DSCAM: variants seen among roughly 807,000 people sequenced by gnomAD.
The protein encoded by DSCAM is DS cell adhesion molecule, also known as cell adhesion molecule DSCAM.
In DSCAM, 47 loss-of-function variants were observed where a neutral mutation model predicts 217.7. The ratio of observed to expected loss-of-function variants is 0.22; its 90% CI spans 0.17 to 0.28. DSCAM has a LOEUF of 0.28. Ranked by LOEUF, DSCAM falls within the 10% of genes least tolerant of loss-of-function variation. The pLI is 1.00. For synonymous variants in DSCAM, 1,056 were observed against 1,015.3 expected, an observed-to-expected ratio of 1.04 and a Z score of -0.76; for missense variants, 2,080 against 2,618.3, an observed-to-expected ratio of 0.79 and a Z score of 4.49.
intron 1 of DSCAM, among the ~76,000 whole-genome samples, chr21:40,725,244 T>G (rs1341395723): frequency 6.6e-6 from 1 of 152,230 alleles, no homozygotes; most frequent in Non-Finnish European, 1.5e-5. Context: ...GTAAATCCCT[T>G]TATTTCCATG....
In DSCAM at chr21:40,042,577, A is replaced by G. The variant is rs747632409; in HGVS notation, c.5480T>C (p.Leu1827Pro). The G allele has an allele frequency of 1.2e-6, 2 of 1,614,152 alleles. No individual in the cohort carries two copies. The highest frequency in any genetic ancestry group is 1.1e-5 in the South Asian group (1 of 91,088). Reference sequence around the variant, plus strand: ...CGTGATGGTGAACTTGGCGTGCCTCAGTTGCTCTTCCATCTTGGCGTGTTC... The same window carrying G: ...CGTGATGGTGAACTTGGCGTGCCTCGGTTGCTCTTCCATCTTGGCGTGTTC... ...AYEHAKMEEQ[L>P]RHAKFTITEC... The change falls in exon 32 of 33, where the codon CTG becomes CCG. Residue 1827 changes from leucine (L) to proline (P), a missense_variant. Leu to Pro is a moderately conservative substitution (Grantham distance 98). This residue lies in a region of DSCAM where 1,144 missense variants were observed against 1,421.1 expected (regional missense o/e 0.81). Transcript: ENST00000400454.
chr21:40,262,925 TGCCA>T (rs1304161339), intron 11 of DSCAM, among the ~76,000 whole-genome samples: 3 of 152,224 alleles, frequency 2.0e-5, no homozygotes, highest in Non-Finnish European at 4.4e-5. Context: ...GGAGCTTTCT[TGCCA>T]TTGGCCATCT....
At chr21:40,139,031 G>A (rs983807068) in intron 18 of DSCAM, among the ~76,000 whole-genome samples, 2 of 149,124 alleles carry the variant, frequency 1.3e-5, no homozygotes, top group African/African-American at 5.0e-5. Context: ...TGTAGTGTGT[G>A]TGTAGTGTGT....
chr21:40,365,702 G>C (rs2074824592), intron 4 of DSCAM, among the ~76,000 whole-genome samples: 1 of 151,998 alleles, frequency 6.6e-6, no homozygotes. Flanking sequence ...CTCTAAAACT[G>C]TCCCTACTGA....
intron 3 of DSCAM, among the ~76,000 whole-genome samples, chr21:40,419,535 C>T (rs943745402): frequency 1.3e-5 from 2 of 152,164 alleles, no homozygotes; most frequent in African/African-American, 4.8e-5. Flanking sequence ...GAGCAAACTT[C>T]TATACCCAGC....
chr21:40,652,250 C>T lies in DSCAM; in HGVS notation c.508+40560G>A, dbSNP rs564701370. 4.0e-5 allele frequency among the ~76,000 whole-genome samples: 6 copies of T among 151,838 alleles called. No homozygotes were observed. In the East Asian group the frequency reaches 7.8e-4, roughly 20 times the overall value. On this transcript the variant is annotated intron_variant, in intron 3 of 32. Coordinates refer to ENST00000400454, the MANE Select transcript of DSCAM (RefSeq NM_001389.5). ...CGGAATGATCTGTGCGGCAAACCAC[C>T]GTGGTACCTGTTTACCTATGTAACA...
chr21:40,148,290 A>G (rs560910498), intron 16 of DSCAM, among the ~76,000 whole-genome samples: 8 of 152,284 alleles, frequency 5.3e-5, no homozygotes, highest in African/African-American at 1.9e-4. Flanking sequence ...TAAAGGGAAC[A>G]TATACTTTCA....
intron 11 of DSCAM, among the ~76,000 whole-genome samples, chr21:40,228,045 C>T (rs1434755860): frequency 6.6e-6 from 1 of 152,092 alleles, no homozygotes; most frequent in Non-Finnish European, 1.5e-5. Flanking sequence ...TGTAGAATAC[C>T]TCTCAGTTGG....
At chr21:40,532,736 T>C (rs2076457532) in intron 3 of DSCAM, among the ~76,000 whole-genome samples, 1 of 151,978 alleles carries the variant, frequency 6.6e-6, no homozygotes, top group Admixed American at 6.6e-5. Context: ...CAAGAGAGCC[T>C]GGGGTAACCT....
chr21:40,446,838 T>C (rs897970302), intron 3 of DSCAM, among the ~76,000 whole-genome samples: 1 of 152,182 alleles, frequency 6.6e-6, no homozygotes, highest in African/African-American at 2.4e-5. Flanking sequence ...AATGAAAATA[T>C]AAATCCCTAT....
chr21:40,571,101 T>C (rs1449997191), intron 3 of DSCAM, among the ~76,000 whole-genome samples: 1 of 150,990 alleles, frequency 6.6e-6, no homozygotes, highest in Non-Finnish European at 1.5e-5. Context: ...GAAAAAAAAA[T>C]TGAAAAGAAA....
chr21:40,726,730 G>A (rs903799695), intron 1 of DSCAM, among the ~76,000 whole-genome samples: 1 of 152,128 alleles, frequency 6.6e-6, no homozygotes, highest in Non-Finnish European at 1.5e-5. Context: ...GCCCCCACTC[G>A]AACTCATGTT....
At chr21:40,418,462 T>C (rs1427256878) in intron 3 of DSCAM, among the ~76,000 whole-genome samples, 2 of 152,168 alleles carry the variant, frequency 1.3e-5, no homozygotes, top group East Asian at 3.8e-4. Context: ...ACGGGAGAAT[T>C]TTGTAATATT....
intron 10 of DSCAM, among the ~76,000 whole-genome samples, chr21:40,286,506 A>T (rs1235312220): frequency 1.3e-5 from 2 of 152,220 alleles, no homozygotes; most frequent in African/African-American, 4.8e-5. Flanking sequence ...TATCATCCCA[A>T]CTGGGCCCTA....
rs182252759 is a variant in DSCAM, at chr21:40,161,432, A to T, written c.3018+5786T>A. ...CCACAGTTTTTTTTTTAAAAGCACCACCTCTTGATATGAACCTTTTATGAT... is the reference window on the plus strand; with the variant it reads ...CCACAGTTTTTTTTTTAAAAGCACCTCCTCTTGATATGAACCTTTTATGAT... On this transcript the variant is annotated intron_variant, in intron 16 of 32. Transcript: ENST00000400454. 3.5e-4 allele frequency among the ~76,000 whole-genome samples: 53 copies of T among 151,936 alleles called. 2 individuals are homozygous for T. In the East Asian group the frequency reaches 9.7e-3, roughly 28 times the overall value.
chr21:40,819,264 T>G (rs558569626), intron 1 of DSCAM, among the ~76,000 whole-genome samples: 1 of 152,322 alleles, frequency 6.6e-6, no homozygotes, highest in South Asian at 2.1e-4. Flanking sequence ...TTCAGCTAAT[T>G]TAACATTTTA....
At chr21:40,766,126 C>A (rs1455675685) in intron 1 of DSCAM, among the ~76,000 whole-genome samples, 2 of 152,030 alleles carry the variant, frequency 1.3e-5, no homozygotes, top group Non-Finnish European at 2.9e-5. Flanking sequence ...CTCTCAGCTC[C>A]GTCAACTAGC....
chr21:40,846,809 CCCGGGCACGCGGCGCGG>C lies in DSCAM; in HGVS notation c.-165_-149del. On this transcript the variant is annotated 5_prime_UTR_variant, in exon 1 of 33. Transcript: ENST00000400454. Reference sequence around the variant, plus strand: ...CGCCGCCGCCGCCGCTGCCTAGCCGCCCGGGCACGCGGCGCGGCCGGGCTCCGGAGCGAGGGCTGCGC... The same window carrying C: ...CGCCGCCGCCGCCGCTGCCTAGCCGCCCGGGCTCCGGAGCGAGGGCTGCGC... The C allele has an allele frequency of 5.7e-6, 1 of 175,972 alleles. No individual in the cohort carries two copies. Among genetic ancestry groups the C allele is most frequent in the South Asian group, 1.7e-4 (1 of 5,798 alleles). The allele number at this position is 175,972 out of a possible 1,614,324, so 10.9% of individuals were successfully genotyped here.
chr21:40,383,297 C>T (rs1231071255), intron 3 of DSCAM: 1 of 152,152 alleles, frequency 6.6e-6, no homozygotes, highest in Non-Finnish European at 1.5e-5. Flanking sequence ...CACTACTGCA[C>T]TCCAGCCTGG....
Sources: gnomAD v4.1 joint callset for allele counts (sites outside exome capture counted in the v4.1 genomes callset) on GRCh38, gnomAD v4.1.1 for gene constraint, gnomAD v4.1.1 regional missense constraint, MANE v1.5 for transcripts, NCBI Gene and HGNC (gene_info 2026-07-23, HGNC 2026-07-21) for gene names.